The following GRM5 variants were observed in gnomAD, a reference collection of about 807,000 sequenced individuals.
GRM5 encodes the protein glutamate metabotropic receptor 5.
A neutral mutation model predicts 83.1 loss-of-function variants in GRM5; 19 were observed. The ratio of observed to expected loss-of-function variants is 0.23; its 90% CI spans 0.16 to 0.34. GRM5 has a LOEUF of 0.34. Ranked by LOEUF, GRM5 falls within the 10% of genes least tolerant of loss-of-function variation. The pLI, the probability that GRM5 is intolerant of heterozygous loss-of-function variation, is 1.00. For synonymous variants in GRM5, 675 were observed against 633.6 expected (o/e 1.07, Z -0.98); for missense variants, 1,160 against 1,588.3 (o/e 0.73, Z 4.58).
chr11:88,736,391 G>A (rs2701348), intron 3 of GRM5, among the ~76,000 whole-genome samples: 2 of 152,004 alleles, frequency 1.3e-5, no homozygotes, highest in East Asian at 1.9e-4. Flanking sequence ...AGGTCCTGGA[G>A]GCTTGTTTTC....
chr11:88,664,065 T>A (rs1939975716), intron 3 of GRM5, among the ~76,000 whole-genome samples: 1 of 152,208 alleles, frequency 6.6e-6, no homozygotes, highest in South Asian at 2.1e-4. Context: ...AGTAACATTG[T>A]ACTTGCTAAG....
chr11:88,942,137 T>C (rs771741147), intron 2 of GRM5, among the ~76,000 whole-genome samples: 5 of 152,120 alleles, frequency 3.3e-5, no homozygotes, highest in Non-Finnish European at 7.4e-5. Context: ...TTGTATGGCC[T>C]GTGTATAATG....
intron 4 of GRM5, among the ~76,000 whole-genome samples, chr11:88,624,049 T>C (rs1001515026): frequency 2.0e-5 from 3 of 152,242 alleles, no homozygotes; most frequent in Admixed American, 1.3e-4. Flanking sequence ...AATTCAACTA[T>C]TGATTTTCAT....
intron 2 of GRM5, among the ~76,000 whole-genome samples, chr11:88,919,161 T>G (rs1157076021): frequency 2.2e-5 from 3 of 138,400 alleles, no homozygotes; most frequent in African/African-American, 2.6e-5. Flanking sequence ...ACCTCACCTA[T>G]AAAGACATAC....
At position 88,745,361 on chromosome 11, in the gene GRM5, C is replaced by A. The variant is rs187116067; in HGVS notation, c.912-91958G>T. Among the ~76,000 whole-genome samples, 748 of 132,692 alleles carry A rather than the reference C, an allele frequency of 5.6e-3. 6 individuals are homozygous for A. Among genetic ancestry groups the A allele is most frequent in the African/African-American group, 0.019 (720 of 37,968 alleles). 87.1% of individuals were successfully genotyped at this position (132,692 alleles called of 152,430 possible). Reference sequence around the variant, plus strand: ...AGATGGGACTACAGGCACGTGCCACCCCACCTAGCTAATATTGTATTTTTT... The same window carrying A: ...AGATGGGACTACAGGCACGTGCCACACCACCTAGCTAATATTGTATTTTTT... On this transcript the variant is annotated intron_variant, in intron 3 of 9. Transcript: ENST00000305447.
intron 2 of GRM5, among the ~76,000 whole-genome samples, chr11:88,902,450 C>T (rs1381003472): frequency 1.3e-5 from 2 of 151,954 alleles, no homozygotes; most frequent in African/African-American, 2.4e-5. Context: ...TATTCAAAAA[C>T]CATTATATTG....
intron 3 of GRM5, among the ~76,000 whole-genome samples, chr11:88,663,343 C>T (rs1442722964): frequency 2.0e-5 from 3 of 152,150 alleles, no homozygotes; most frequent in Non-Finnish European, 4.4e-5. Context: ...GCTTCCACGT[C>T]ATATGCATGC....
Position 88,814,807 on chromosome 11 carries a change from AT to A in GRM5, c.911+35098del, listed in dbSNP as rs147019770. 1.1e-4 allele frequency among the ~76,000 whole-genome samples: 17 copies of A among 152,360 alleles called. No individual in the cohort carries two copies. In the East Asian group the frequency reaches 1.9e-3, roughly 17 times the overall value. ...AAAAAACAACCAATAATGAAAAAAA[AT>A]AACAAGTAATTGAAACTTTCCCAGA... On this transcript the variant is annotated intron_variant, in intron 3 of 9. Transcript: ENST00000305447.
At chr11:88,768,433 C>T (rs556136688) in intron 3 of GRM5, among the ~76,000 whole-genome samples, 27 of 151,758 alleles carry the variant, frequency 1.8e-4, no homozygotes, top group Admixed American at 6.6e-4. Flanking sequence ...GGTTACCAGA[C>T]GCTGGTGGGA....
At chr11:88,869,819 A>G (rs1293296490) in intron 2 of GRM5, among the ~76,000 whole-genome samples, 2 of 151,618 alleles carry the variant, frequency 1.3e-5, no homozygotes, top group East Asian at 1.9e-4. Context: ...TCTATAAAAA[A>G]GAGGGGAAAT....
At chr11:88,897,779 C>T (rs562212356) in intron 2 of GRM5, among the ~76,000 whole-genome samples, 18 of 151,926 alleles carry the variant, frequency 1.2e-4, no homozygotes, top group African/African-American at 2.2e-4. Flanking sequence ...CAAAATTTTC[C>T]GATAAAAGGC....
At chr11:88,536,251 T>C (rs570799721) in intron 8 of GRM5, among the ~76,000 whole-genome samples, 3 of 152,066 alleles carry the variant, frequency 2.0e-5, no homozygotes, top group African/African-American at 7.2e-5. Context: ...AATTATCTTT[T>C]GTGTAATTTG....
intron 3 of GRM5, among the ~76,000 whole-genome samples, chr11:88,688,791 TA>T (rs1940709340): frequency 6.6e-6 from 1 of 152,032 alleles, no homozygotes; most frequent in African/African-American, 2.4e-5. Flanking sequence ...AGTAGGGAAA[TA>T]ATTGTCTTTG....
At chr11:89,060,682 G>A (rs1003850526) in intron 1 of GRM5, among the ~76,000 whole-genome samples, 2 of 151,868 alleles carry the variant, frequency 1.3e-5, no homozygotes, top group African/African-American at 4.8e-5. Context: ...GATTCAGAAA[G>A]GTAAAATATA....
At chr11:89,020,612 T>C (rs1306521136) in intron 2 of GRM5, among the ~76,000 whole-genome samples, 1 of 152,204 alleles carries the variant, frequency 6.6e-6, no homozygotes, top group Non-Finnish European at 1.5e-5. Context: ...AAACTCCATA[T>C]AATCTGGTCT....
intron 3 of GRM5, among the ~76,000 whole-genome samples, chr11:88,745,728 G>A (rs1942123795): frequency 6.6e-6 from 1 of 152,128 alleles, no homozygotes; most frequent in South Asian, 2.1e-4. Flanking sequence ...CAGATTGTTG[G>A]CAGAGAAAAT....
intron 8 of GRM5, among the ~76,000 whole-genome samples, chr11:88,544,093 A>G (rs867070370): frequency 9.2e-5 from 14 of 152,200 alleles, no homozygotes; most frequent in African/African-American, 2.6e-4. Flanking sequence ...ACACATACAC[A>G]TACACATACA....
At chr11:88,711,739 CA>C (rs1344626636) in intron 3 of GRM5, among the ~76,000 whole-genome samples, 3 of 152,120 alleles carry the variant, frequency 2.0e-5, no homozygotes, top group African/African-American at 7.2e-5. Context: ...GTAGGCACTA[CA>C]AAAATGCTTC....
chr11:88,627,537 A>G (rs574174069), intron 4 of GRM5, among the ~76,000 whole-genome samples: 102 of 152,218 alleles, frequency 6.7e-4, no homozygotes, highest in Non-Finnish European at 1.2e-3. Flanking sequence ...TACTCCTCCT[A>G]ATTGGCTGTA....
Sources: gnomAD v4.1 joint callset for allele counts (sites outside exome capture counted in the v4.1 genomes callset) on GRCh38, gnomAD v4.1.1 for gene constraint, MANE v1.5 for transcripts, NCBI Gene and HGNC (gene_info 2026-07-23, HGNC 2026-07-21) for gene names.